Variants in KIAA1614 observed in about 807,000 individuals in gnomAD.
The protein encoded by KIAA1614 is uncharacterized protein KIAA1614.
A neutral mutation model predicts 88.7 loss-of-function variants in KIAA1614; 76 were observed. The ratio of observed to expected loss-of-function variants is 0.86; its 90% CI spans 0.71 to 1.04. The LOEUF is 1.04. Among genes scored for constraint, KIAA1614 ranks in the 50% least tolerant of loss-of-function variants. The pLI is 0.00. For synonymous variants in KIAA1614, 714 were observed against 675.5 expected (o/e 1.06, Z -0.88); for missense variants, 1,553 against 1,582.5 (o/e 0.98, Z 0.32).
intron 3 of KIAA1614, among the ~76,000 whole-genome samples, chr1:180,924,631 A>G (rs1286831737): frequency 6.6e-6 from 1 of 152,034 alleles, no homozygotes; most frequent in Non-Finnish European, 1.5e-5. Flanking sequence ...TCCATGACCA[A>G]TTGGCCACCT....
chr1:180,939,794 A>G (rs1654414215), intron 6 of KIAA1614, among the ~76,000 whole-genome samples: 1 of 152,196 alleles, frequency 6.6e-6, no homozygotes, highest in South Asian at 2.1e-4. Flanking sequence ...GCTTTGTGGA[A>G]TCCGCCTTGC....
chr1:180,928,398 C>T (rs1338354930), intron 3 of KIAA1614, 32 bp from the exon 4 acceptor site: 5 of 1,504,890 alleles, frequency 3.3e-6, no homozygotes, highest in South Asian at 1.3e-5. Context: ...TAATCCCTCC[C>T]CCACCACCCT....
At position 180,917,061 on chromosome 1, in the gene KIAA1614, AC is replaced by A; in HGVS notation, c.962del (p.Pro321LeufsTer44). On this transcript the variant is annotated frameshift_variant, in exon 2 of 9. Transcript: ENST00000367588. LOFTEE classifies it high-confidence loss of function. ...TGGGCAGAGCCCCCGCAAGGTGGGA[AC>A]CCCTGCCTGGACTCCATCCTGGGAC... Reference protein sequence around the residue: ...VSGQSPRKVGTPAWTPSWDTA... With the variant: ...VSGQSPRKVGXPAWTPSWDTA... 1 of 1,613,516 alleles carries A rather than the reference AC, an allele frequency of 6.2e-7. No homozygotes were observed. The highest frequency in any genetic ancestry group is 8.5e-7 in the Non-Finnish European group (1 of 1,179,988).
chr1:180,945,006 G>A, intron 8 of KIAA1614: 1 of 429,270 alleles, frequency 2.3e-6, no homozygotes, highest in East Asian at 4.4e-5. Context: ...GTGACATAAA[G>A]TTATACCTTT....
chr1:180,938,850 G>T, intron 6 of KIAA1614, 139 bp downstream of exon 6: 2 of 716,038 alleles, frequency 2.8e-6, no homozygotes, highest in Non-Finnish European at 4.6e-6. Flanking sequence ...CTGTGAACAA[G>T]CCTGGCAGCC....
chr1:180,936,568 CGGG>C lies in KIAA1614; in HGVS notation c.2662_2664del (p.Gly888del), dbSNP rs1654340085. 6.2e-7 allele frequency: 1 copy of C among 1,613,406 alleles called. No homozygotes were observed. The highest frequency in any genetic ancestry group is 1.3e-5 in the African/African-American group (1 of 74,912). ...CAACAACTGCAACAACAGCGCACCT[CGGG>C]GGCTGCAGGAGCCCTACGGGGGAGC... On this transcript the variant is annotated inframe_deletion, in exon 5 of 9. Transcript: ENST00000367588.
chr1:180,947,664 A>T lies in KIAA1614; in HGVS notation c.*2076A>T, dbSNP rs1175289683. 1 of 152,298 alleles carries T rather than the reference A, an allele frequency of 6.6e-6. No individual in the cohort carries two copies. The highest frequency in any genetic ancestry group is 1.5e-5 in the Non-Finnish European group (1 of 68,104). The allele number at this position is 152,298 out of a possible 1,614,324, so 9.4% of individuals were successfully genotyped here. A position where few individuals can be genotyped will look rare whatever the true frequency, so the allele number is the denominator to read the frequency against. ...CCCCCCGGACAGGTGGTGTGAAGGC[A>T]GAGGCAGACAACGCAGCATGTTTGT... On this transcript the variant is annotated 3_prime_UTR_variant, in exon 9 of 9. Transcript: ENST00000367588.
chr1:180,924,672 T>G (rs1654028472), intron 3 of KIAA1614, among the ~76,000 whole-genome samples: 1 of 152,084 alleles, frequency 6.6e-6, no homozygotes, highest in African/African-American at 2.4e-5. Flanking sequence ...AGCCACCTTT[T>G]CTATGGAGCC....
intron 6 of KIAA1614, 141 bp from the exon 7 acceptor site, chr1:180,940,904 G>A: frequency 1.4e-6 from 1 of 718,436 alleles, no homozygotes; most frequent in South Asian, 1.9e-5. Context: ...TCTACAGCCT[G>A]GTTGTTAGTT....
Position 180,935,235 on chromosome 1 carries a change from G to A in KIAA1614, c.1326G>A (p.Arg442=). The A allele has an allele frequency of 6.5e-7, 1 of 1,535,326 alleles. No individual in the cohort carries two copies. Among genetic ancestry groups the A allele is most frequent in the East Asian group, 2.5e-5 (1 of 40,508 alleles). Reference sequence around the variant, plus strand: ...AGTCCAGCGGTGGGCACAGGCCGAGGCGGGGCCCCTCGCCGTCGCACGTGC... The same window carrying A: ...AGTCCAGCGGTGGGCACAGGCCGAGACGGGGCCCCTCGCCGTCGCACGTGC... The part of the protein sequence containing the change: ...SGESSGGHRP[R]RGPSPSHVRF... The change falls in exon 5 of 9, where the codon AGG becomes AGA. Residue 442 remains arginine (R), a synonymous_variant. Coordinates refer to ENST00000367588, the MANE Select transcript of KIAA1614 (RefSeq NM_020950.2). This position sits in a 1 kb window ranked among gnomAD's most constrained non-coding sequence, Gnocchi z 6.1.
rs1195668604 is a variant in KIAA1614, at chr1:180,936,411, T to C, written c.2502T>C (p.Gly834=). ...KAALAGLLRL[G]DQTEPVGIPR... is the part of the protein sequence containing the mutation. ...CCCTGGCTGGACTGCTCAGGCTGGGTGACCAGACAGAGCCTGTGGGTATCC... is the reference window on the plus strand; with the variant it reads ...CCCTGGCTGGACTGCTCAGGCTGGGCGACCAGACAGAGCCTGTGGGTATCC... Residue 834 remains glycine, a synonymous_variant, in exon 5 of 9, where the codon GGT becomes GGC. Coordinates refer to ENST00000367588, the MANE Select transcript of KIAA1614 (RefSeq NM_020950.2). 6.2e-7 allele frequency: 1 copy of C among 1,614,056 alleles called. No individual in the cohort carries two copies. Among genetic ancestry groups the C allele is most frequent in the Admixed American group, 1.7e-5 (1 of 60,008 alleles).
At chr1:180,934,599 C>CA (rs985033308) in intron 4 of KIAA1614, among the ~76,000 whole-genome samples, 14 of 151,922 alleles carry the variant, frequency 9.2e-5, no homozygotes, top group South Asian at 2.1e-4. Context: ...CTAAAACAAA[C>CA]AAAAAAAAGA....
rs200225289 is a variant in KIAA1614 at position 180,945,369 on chromosome 1, C to T, written c.3354C>T (p.Arg1118=). ...ACGTGGGTGCTCCCAGCCTGGCTCG[C>T]ACCGTGGGCCGCCTGGTGGAGGTGT... ...VEDVGAPSLA[R]TVGRLVEVFP... is the part of the protein sequence containing the mutation. The change falls in exon 9 of 9, where the codon CGC becomes CGT. Residue 1118 remains arginine, a synonymous_variant. Coordinates refer to ENST00000367588, the MANE Select transcript of KIAA1614 (RefSeq NM_020950.2). 908 of 1,599,792 alleles carry T rather than the reference C, an allele frequency of 5.7e-4. 7 individuals carry two copies. Among genetic ancestry groups the T allele is most frequent in the Middle Eastern group, 5.6e-3 (31 of 5,508 alleles).
At chr1:180,921,542 T>G (rs1434533542) in intron 3 of KIAA1614, among the ~76,000 whole-genome samples, 1 of 152,152 alleles carries the variant, frequency 6.6e-6, no homozygotes, top group Non-Finnish European at 1.5e-5. Flanking sequence ...CCCCAAGGGC[T>G]GCGCTCTTGC....
intron 3 of KIAA1614, among the ~76,000 whole-genome samples, chr1:180,927,320 C>T (rs1654089997): frequency 6.6e-6 from 1 of 152,184 alleles, no homozygotes; most frequent in Admixed American, 6.5e-5. Context: ...TGAAGTTACC[C>T]CAAAGAGCGC....
intron 2 of KIAA1614, 67 bp from the exon 3 acceptor site, chr1:180,917,784 A>G (rs1162174321): frequency 7.8e-7 from 1 of 1,284,572 alleles, no homozygotes; most frequent in Non-Finnish European, 1.1e-6. Flanking sequence ...CTCAGTGTTC[A>G]CTAAGTGGCA....
chr1:180,929,164 G>C (rs982882789), intron 4 of KIAA1614, among the ~76,000 whole-genome samples: 10 of 152,264 alleles, frequency 6.6e-5, no homozygotes, highest in African/African-American at 2.2e-4. Flanking sequence ...AATGGGAACT[G>C]TAACAGTGCC....
intron 4 of KIAA1614, 58 bp downstream of exon 4, chr1:180,928,631 G>C: frequency 6.5e-7 from 1 of 1,546,894 alleles, no homozygotes; most frequent in Non-Finnish European, 8.8e-7. Context: ...AGAGTCAGCA[G>C]TGGGAAGAAG....
rs761873697 is a variant in KIAA1614, at chr1:180,935,720, GCC to G, written c.1813_1814del (p.Pro605CysfsTer14). On this transcript the variant is annotated frameshift_variant, in exon 5 of 9. Transcript: ENST00000367588. LOFTEE classifies it high-confidence loss of function. This position sits in a 1 kb window ranked among gnomAD's most constrained non-coding sequence, Gnocchi z 6.1. ...GAAACACACATCGGAGACACCGTGT[GCC>G]CTGCGGAGGTGGACTCTGCCCTGGA... The G allele has an allele frequency of 1.1e-5, 18 of 1,613,696 alleles. No individual in the cohort carries two copies. Among genetic ancestry groups the G allele is most frequent in the Non-Finnish European group, 1.4e-5 (17 of 1,179,970 alleles).
Sources: allele counts gnomAD v4.1 joint callset (sites outside exome capture counted in the v4.1 genomes callset), GRCh38; gene constraint gnomAD v4.1.1; non-coding constraint Gnocchi (gnomAD v3.1); transcripts MANE v1.5; gene names NCBI Gene and HGNC (gene_info 2026-07-23, HGNC 2026-07-21).